RAD51B: variants seen among roughly 807,000 people sequenced by gnomAD.
RAD51B encodes RAD51 paralog B, also known as DNA repair protein RAD51 homolog 2.
A neutral mutation model predicts 42.2 loss-of-function variants in RAD51B; 38 were observed. The ratio of observed to expected loss-of-function variants is 0.90; its 90% confidence interval spans 0.70 to 1.18. The LOEUF (loss-of-function observed/expected upper bound fraction) is 1.18. Ranked by LOEUF, RAD51B falls within the 50% of genes most tolerant of loss-of-function variation. RAD51B has a pLI of 0.00. For missense variants in RAD51B, 373 were observed against 400.7 expected, an observed-to-expected ratio of 0.93 and a Z score of 0.59; for synonymous variants, 154 against 145.2, an observed-to-expected ratio of 1.06 and a Z score of -0.43.
chr14:68,631,938 C>T (rs148458326), intron 10 of RAD51B, among the ~76,000 whole-genome samples: 29 of 152,290 alleles, frequency 1.9e-4, no homozygotes, highest in Non-Finnish European at 2.4e-4. Context: ...GTTCATCTTT[C>T]GATCCTCTGC....
At chr14:68,287,786 G>A (rs1036323279) in intron 7 of RAD51B, among the ~76,000 whole-genome samples, 1 of 152,160 alleles carries the variant, frequency 6.6e-6, no homozygotes, top group Admixed American at 6.5e-5. Context: ...GTATAAATCA[G>A]CAAAGGATAA....
chr14:68,212,204 A>G (rs545397305), intron 7 of RAD51B, among the ~76,000 whole-genome samples: 2 of 152,328 alleles, frequency 1.3e-5, no homozygotes, highest in East Asian at 1.9e-4. Flanking sequence ...GCCATTTAGT[A>G]AAAAAGGGAG....
At chr14:67,972,340 C>T (rs900795238) in intron 7 of RAD51B, among the ~76,000 whole-genome samples, 2 of 151,962 alleles carry the variant, frequency 1.3e-5, no homozygotes, top group African/African-American at 2.4e-5. Context: ...ACTATCTGAA[C>T]ACCTAAGAAG....
At chr14:68,026,446 A>G (rs935008722) in intron 7 of RAD51B, among the ~76,000 whole-genome samples, 2 of 151,904 alleles carry the variant, frequency 1.3e-5, no homozygotes, top group Non-Finnish European at 2.9e-5. Context: ...TCAGTGGGGC[A>G]TTGAAGTCCC....
chr14:67,835,310 A>T, intron 4 of RAD51B, 114 bp downstream of exon 4: 1 of 795,996 alleles, frequency 1.3e-6, no homozygotes. Flanking sequence ...GAATTAAATT[A>T]TAAGTACTTC....
chr14:68,354,395 A>G (rs1296555182), intron 8 of RAD51B, among the ~76,000 whole-genome samples: 1 of 151,882 alleles, frequency 6.6e-6, no homozygotes, highest in Admixed American at 6.5e-5. Context: ...TTTTACTGTT[A>G]GTAGAGACGA....
At chr14:68,162,786 A>AAAAAC (rs1301891956) in intron 7 of RAD51B, among the ~76,000 whole-genome samples, 13 of 152,148 alleles carry the variant, frequency 8.5e-5, no homozygotes, top group South Asian at 2.1e-4. Flanking sequence ...ATCCGTCTCA[A>AAAAAC]AAAACAAAAC....
chr14:68,565,117 C>A lies in RAD51B; in HGVS notation c.1037-29368C>A, dbSNP rs886735441. 6.6e-6 allele frequency among the ~76,000 whole-genome samples: 1 copy of A among 152,182 alleles called. No individual in the cohort carries two copies. The highest frequency in any genetic ancestry group is 2.4e-5 in the African/African-American group (1 of 41,448). ...CACACATACACACACACACACCCCA[C>A]ATGCACACAACACAAAGGTTTAAGC... On this transcript the variant is annotated intron_variant, in intron 10 of 10. Transcript: ENST00000487270. The surrounding 1 kb of genome is among the most constrained non-coding windows in gnomAD (Gnocchi z 4.1).
chr14:68,373,216 T>G (rs2083295953), intron 8 of RAD51B, among the ~76,000 whole-genome samples: 3 of 152,356 alleles, frequency 2.0e-5, no homozygotes, highest in Non-Finnish European at 4.4e-5. Context: ...TCCCACTGCT[T>G]ACTGATTACC....
intron 9 of RAD51B, chr14:68,422,156 C>T: frequency 7.6e-7 from 1 of 1,312,718 alleles, no homozygotes; most frequent in East Asian, 2.3e-5. Flanking sequence ...CAAGGGCTCG[C>T]TGTCGACGGC....
chr14:68,069,206 A>G (rs980400755), intron 7 of RAD51B, among the ~76,000 whole-genome samples: 1 of 152,142 alleles, frequency 6.6e-6, no homozygotes, highest in African/African-American at 2.4e-5. Context: ...GCTATGGTTT[A>G]TAAATTGGAG....
intron 8 of RAD51B, among the ~76,000 whole-genome samples, chr14:68,399,411 A>T (rs555391640): frequency 2.6e-4 from 40 of 151,856 alleles, no homozygotes; most frequent in South Asian, 1.2e-3. Flanking sequence ...CACCCGCCAC[A>T]ATGCCCGGCT....
At chr14:68,471,213 G>T (rs1053736078) in intron 10 of RAD51B, among the ~76,000 whole-genome samples, 1 of 152,132 alleles carries the variant, frequency 6.6e-6, no homozygotes, top group African/African-American at 2.4e-5. Context: ...TAGAAGGGAG[G>T]CCGCCAGCCA....
intron 8 of RAD51B, among the ~76,000 whole-genome samples, chr14:68,333,176 C>T (rs193159039): frequency 9.2e-4 from 140 of 152,248 alleles, no homozygotes; most frequent in African/African-American, 3.3e-3. Flanking sequence ...TCCCGGGACT[C>T]CTGTAACCTA....
At chr14:68,200,221 C>T (rs889790788) in intron 7 of RAD51B, among the ~76,000 whole-genome samples, 1 of 152,056 alleles carries the variant, frequency 6.6e-6, no homozygotes, top group African/African-American at 2.4e-5. Flanking sequence ...CCTTCCTTGT[C>T]CATGAAGGCA....
chr14:67,984,600 ACT>A (rs1306142588), intron 7 of RAD51B, among the ~76,000 whole-genome samples: 1 of 151,640 alleles, frequency 6.6e-6, no homozygotes, highest in East Asian at 1.9e-4. Flanking sequence ...TTCAGTCTGG[ACT>A]CTCTGCCTTT....
chr14:68,611,087 T>C (rs1199815236), exon 11 of RAD51B: 2 of 703,090 alleles, frequency 2.8e-6, no homozygotes, highest in African/African-American at 3.5e-5. Context: ...ACCTTCCTGA[T>C]ACCTGATGTG....
At chr14:68,556,747 T>A (rs752628374) in intron 10 of RAD51B, among the ~76,000 whole-genome samples, 4 of 152,118 alleles carry the variant, frequency 2.6e-5, no homozygotes, top group Non-Finnish European at 5.9e-5. Flanking sequence ...CAAGACCAAG[T>A]GGAGGCCATC....
chr14:68,142,849 A>T (rs2078156233), intron 7 of RAD51B, among the ~76,000 whole-genome samples: 1 of 152,052 alleles, frequency 6.6e-6, no homozygotes, highest in Non-Finnish European at 1.5e-5. Flanking sequence ...TACCAAACTT[A>T]TATGCAAATT....
Sources: gnomAD v4.1 joint callset for allele counts (sites outside exome capture counted in the v4.1 genomes callset) on GRCh38, gnomAD v4.1.1 for gene constraint, Gnocchi (gnomAD v3.1) non-coding constraint, MANE v1.5 for transcripts, NCBI Gene and HGNC (gene_info 2026-07-23, HGNC 2026-07-21) for gene names.